Variants in TENT5D observed in about 807,000 individuals in gnomAD.
TENT5D encodes the protein terminal nucleotidyltransferase 5D.
For missense variants in TENT5D, 191 were observed against 287.0 expected (o/e 0.67, Z 2.42); for synonymous variants, 103 against 100.6 (o/e 1.02, Z -0.15).
At chrX:80,410,619 A>G (rs1233828900) in intron 3 of TENT5D, among the ~76,000 whole-genome samples, 1 of 100,607 alleles carries the variant, frequency 9.9e-6, no homozygotes, top group Non-Finnish European at 2.0e-5. Flanking sequence ...GATGTGGAGA[A>G]ATAGGAACAC....
At chrX:80,435,029 C>T (rs1211119046) in intron 1 of TENT5D, among the ~76,000 whole-genome samples, 4 of 110,365 alleles carry the variant, frequency 3.6e-5, no homozygotes, top group Admixed American at 9.7e-5. Context: ...ATGATCCGCC[C>T]GCCTCAGCCT....
In TENT5D at chrX:80,397,933, C is replaced by T. The variant is rs191855549; in HGVS notation, c.-141-40677C>T. Among the ~76,000 whole-genome samples the T allele has an allele frequency of 1.3e-4, 14 of 110,293 alleles. No homozygotes were observed. The South Asian group carries it at 3.5e-3, about 27-fold the overall frequency. ...GGGAGACCGTGGAAAGAGAGGGAGA[C>T]GGAGACCGTGGGAGAGGGCGAGGGA... On this transcript the variant is annotated intron_variant, in intron 3 of 4. Transcript: ENST00000538312.
intron 1 of TENT5D, among the ~76,000 whole-genome samples, chrX:80,421,212 G>A: frequency 9.1e-6 from 1 of 110,490 alleles, no homozygotes; most frequent in East Asian, 2.9e-4. Context: ...TTTTAGATGG[G>A]GTCTCACTCT....
At chrX:80,397,214 G>A (rs1245088374) in intron 3 of TENT5D, among the ~76,000 whole-genome samples, 4 of 106,356 alleles carry the variant, frequency 3.8e-5, no homozygotes, top group Admixed American at 1.9e-4. Flanking sequence ...CTTCTCAGAC[G>A]GGGCGGCCGG....
intron 3 of TENT5D, among the ~76,000 whole-genome samples, chrX:80,392,744 C>T (rs766534430): frequency 9.5e-6 from 1 of 105,248 alleles, no homozygotes; most frequent in East Asian, 3.0e-4. Context: ...TCTCGATCTC[C>T]TGACCTCATG....
intron 3 of TENT5D, among the ~76,000 whole-genome samples, chrX:80,407,657 C>T (rs1426194832): frequency 9.3e-6 from 1 of 107,798 alleles, no homozygotes; most frequent in Non-Finnish European, 1.9e-5. Context: ...TAATGGGAGA[C>T]TTTAACACCC....
chrX:80,377,806 G>A (rs190365296), intron 3 of TENT5D, among the ~76,000 whole-genome samples: 20 of 111,824 alleles, frequency 1.8e-4, no homozygotes, highest in African/African-American at 5.9e-4. Context: ...TTGAGGAATC[G>A]CCACACTGTC....
Position 80,397,747 on chromosome X carries a change from C to T in TENT5D, c.-141-40863C>T, listed in dbSNP as rs1352057740. On this transcript the variant is annotated intron_variant, in intron 3 of 4. Transcript: ENST00000538312. The stretch of plus-strand genomic sequence containing the variant: ...CTGGAGACCATCCCAGCCAACACAG[C>T]GAAACCCCGTCTCCACCAAAAAAAT... Among the ~76,000 whole-genome samples the T allele has an allele frequency of 5.3e-5, 6 of 112,810 alleles. No individual in the cohort carries two copies. In the East Asian group the frequency reaches 1.1e-3, roughly 21 times the overall value.
At chrX:80,416,532 C>A (rs755429983), upstream of TENT5D, among the ~76,000 whole-genome samples, 15 of 109,570 alleles carry the variant, frequency 1.4e-4, no homozygotes, top group Admixed American at 3.0e-4. Context: ...TTGATTTCTG[C>A]CTTAATTTCC....
intron 3 of TENT5D, among the ~76,000 whole-genome samples, chrX:80,379,909 C>A (rs1245289291): frequency 1.8e-5 from 2 of 108,291 alleles, no homozygotes; most frequent in African/African-American, 6.7e-5. Flanking sequence ...AAAAAACCGG[C>A]TCCTGGATTC....
At chrX:80,337,594 C>T (rs905332389) in intron 2 of TENT5D, among the ~76,000 whole-genome samples, 114 of 111,126 alleles carry the variant, frequency 1.0e-3, no homozygotes, top group Non-Finnish European at 1.3e-3. Context: ...TATTCATTTT[C>T]ACTGTTCTAG....
intron 3 of TENT5D, among the ~76,000 whole-genome samples, chrX:80,399,776 CT>C (rs998584597): frequency 8.0e-5 from 9 of 111,890 alleles, no homozygotes; most frequent in African/African-American, 2.9e-4. Context: ...AGCTTTTAAA[CT>C]TTTTTTTCAC....
intron 1 of TENT5D, among the ~76,000 whole-genome samples, chrX:80,427,557 G>A (rs1027572864): frequency 9.0e-6 from 1 of 111,391 alleles, no homozygotes; most frequent in Non-Finnish European, 1.9e-5. Flanking sequence ...TGATCCAAGG[G>A]CTTATCCTTT....
intron 3 of TENT5D, among the ~76,000 whole-genome samples, chrX:80,414,949 G>A (rs1931740047): frequency 9.0e-6 from 1 of 111,147 alleles, no homozygotes; most frequent in Non-Finnish European, 1.9e-5. Context: ...TTCCTTTTTT[G>A]TATTATGTCT....
chrX:80,411,634 T>G (rs1231165292), intron 3 of TENT5D, among the ~76,000 whole-genome samples: 1 of 112,363 alleles, frequency 8.9e-6, no homozygotes, highest in Non-Finnish European at 1.9e-5. Flanking sequence ...ACAAAAAGTA[T>G]TTTTTAATAA....
At chrX:80,366,619 G>A (rs1930516834) in intron 3 of TENT5D, among the ~76,000 whole-genome samples, 1 of 111,082 alleles carries the variant, frequency 9.0e-6, no homozygotes, top group Non-Finnish European at 1.9e-5. Context: ...TTGATTTTTA[G>A]AAAAGGGATA....
intron 2 of TENT5D, among the ~76,000 whole-genome samples, chrX:80,340,613 G>A (rs1378705423): frequency 9.0e-6 from 1 of 110,749 alleles, no homozygotes; most frequent in African/African-American, 3.3e-5. Flanking sequence ...GCAATAGTAT[G>A]TACCAAAATT....
At chrX:80,394,320 G>GT (rs202247300) in intron 3 of TENT5D, among the ~76,000 whole-genome samples, 128 of 74,974 alleles carry the variant, frequency 1.7e-3, no homozygotes, top group Middle Eastern at 0.016. Context: ...ATGTTGAGCA[G>GT]TTTTTTTTTT....
At chrX:80,372,923 C>T (rs1246021313) in intron 3 of TENT5D, among the ~76,000 whole-genome samples, 1 of 107,259 alleles carries the variant, frequency 9.3e-6, no homozygotes, top group Non-Finnish European at 1.9e-5. Flanking sequence ...TTGCTTGTTA[C>T]TGTATTTCAT....
Sources: gnomAD v4.1 joint callset for allele counts (sites outside exome capture counted in the v4.1 genomes callset) on GRCh38, gnomAD v4.1.1 for gene constraint, MANE v1.5 for transcripts, NCBI Gene and HGNC (gene_info 2026-07-23, HGNC 2026-07-21) for gene names.